The following LEPR variants were observed in gnomAD, a reference collection of about 807,000 sequenced individuals.
LEPR encodes the protein OB receptor.
A neutral mutation model predicts 114.7 loss-of-function variants in LEPR; 56 were observed. That is an observed-to-expected ratio of 0.49 (90% confidence interval 0.39 to 0.61). The LOEUF is 0.61. LEPR is among the 20% of genes least tolerant of loss of function. The probability of loss-of-function intolerance (pLI) is 0.00; values close to 1 mark genes in which losing one functional copy is unlikely to be tolerated. For synonymous variants in LEPR, 443 were observed against 461.4 expected, an observed-to-expected ratio of 0.96 and a Z score of 0.51; for missense variants, 1,202 against 1,352.9, an observed-to-expected ratio of 0.89 and a Z score of 1.75.
chr1:65,614,825 T>A (rs1657426811), intron 14 of LEPR, among the ~76,000 whole-genome samples: 1 of 152,170 alleles, frequency 6.6e-6, no homozygotes, highest in African/African-American at 2.4e-5. Context: ...CATCCAGTAG[T>A]AAGACATGTG....
At chr1:65,545,356 G>A (rs1054511695) in intron 2 of LEPR, among the ~76,000 whole-genome samples, 5 of 152,038 alleles carry the variant, frequency 3.3e-5, no homozygotes, top group African/African-American at 1.2e-4. Context: ...GGTATTTCTA[G>A]TTCTAGATCC....
At chr1:65,437,880 G>C (rs961539423) in intron 2 of LEPR, among the ~76,000 whole-genome samples, 7 of 2,708 alleles carry the variant, frequency 2.6e-3, no homozygotes, top group Admixed American at 5.2e-3. Flanking sequence ...GCAAGATATG[G>C]CTCACTGCAA....
intron 2 of LEPR, among the ~76,000 whole-genome samples, chr1:65,446,087 A>T (rs1383131416): frequency 6.6e-6 from 1 of 152,190 alleles, no homozygotes; most frequent in African/African-American, 2.4e-5. Context: ...TTTTTATCTG[A>T]TATACCAATG....
chr1:65,616,408 A>G (rs1657525830), intron 15 of LEPR, among the ~76,000 whole-genome samples, 184 bp downstream of exon 15: 1 of 152,136 alleles, frequency 6.6e-6, no homozygotes, highest in Admixed American at 6.6e-5. Context: ...CACATAATAC[A>G]GTCCTTGAGC....
chr1:65,613,759 C>CAAAAA (rs754145031), intron 14 of LEPR, among the ~76,000 whole-genome samples: 1 of 32,264 alleles, frequency 3.1e-5, no homozygotes, highest in Non-Finnish European at 5.9e-5. Context: ...GACTCCGTCT[C>CAAAAA]AAAAAAAAAA....
At chr1:65,543,007 T>C (rs1446091575) in intron 2 of LEPR, among the ~76,000 whole-genome samples, 1 of 152,052 alleles carries the variant, frequency 6.6e-6, no homozygotes, top group African/African-American at 2.4e-5. Flanking sequence ...AAATGGTATT[T>C]CTGGTTCTAG....
At chr1:65,522,193 G>A (rs1315025228) in intron 2 of LEPR, among the ~76,000 whole-genome samples, 1 of 152,048 alleles carries the variant, frequency 6.6e-6, no homozygotes, top group East Asian at 1.9e-4. Context: ...CTATTGTAGT[G>A]GATATATGTG....
intron 14 of LEPR, among the ~76,000 whole-genome samples, chr1:65,614,578 ACATGTACT>A (rs1225388784): frequency 3.3e-5 from 5 of 152,198 alleles, no homozygotes; most frequent in Non-Finnish European, 7.3e-5. Flanking sequence ...GTACTGCTCT[ACATGTACT>A]CTGGAAGGGG....
intron 5 of LEPR, among the ~76,000 whole-genome samples, chr1:65,587,327 C>T (rs1439720471): frequency 6.6e-6 from 1 of 151,974 alleles, no homozygotes; most frequent in African/African-American, 2.4e-5. Flanking sequence ...TTGAAAAACA[C>T]CTAAAAGGTC....
intron 2 of LEPR, among the ~76,000 whole-genome samples, chr1:65,441,310 A>G (rs1646645653): frequency 6.6e-6 from 1 of 151,936 alleles, no homozygotes; most frequent in Non-Finnish European, 1.5e-5. Context: ...GGGTGGGGAG[A>G]GTGATGGGGG....
rs1004989410 is a variant in LEPR at position 65,575,496 on chromosome 1, G to A, written c.494+3047G>A. ...AAAAGATCCTTTATTTCATGTGTAT[G>A]TAGTATCATAATTCATCAAAATAAT... On this transcript the variant is annotated intron_variant, in intron 5 of 19. Transcript: ENST00000349533. Among the ~76,000 whole-genome samples, 4 of 151,326 alleles carry A rather than the reference G, an allele frequency of 2.6e-5. 1 individual carries two copies. The highest frequency in any genetic ancestry group is 9.8e-5 in the African/African-American group (4 of 40,728).
At chr1:65,622,460 T>C (rs7516341) in intron 18 of LEPR, among the ~76,000 whole-genome samples, 70,285 of 151,932 alleles carry the variant, frequency 0.46, 17,132 homozygotes, top group East Asian at 0.87. Context: ...AGAAGTCCAG[T>C]GTGGTTATTT....
At chr1:65,429,966 G>T (rs764793845) in intron 2 of LEPR, 2 of 1,579,024 alleles carry the variant, frequency 1.3e-6, no homozygotes, top group East Asian at 4.5e-5. Context: ...AGTAGTGCCT[G>T]TCGGGAACTG....
At chr1:65,540,863 A>T (rs1271250214) in intron 2 of LEPR, among the ~76,000 whole-genome samples, 1 of 151,994 alleles carries the variant, frequency 6.6e-6, no homozygotes, top group Non-Finnish European at 1.5e-5. Context: ...ACAGCATCTC[A>T]CTCTGTCACC....
In LEPR at chr1:65,636,595, T is replaced by C. The variant is rs34130975; in HGVS notation, c.3078T>C (p.Asn1026=). The change falls in exon 20 of 20, where the codon AAT becomes AAC. Residue 1026 remains asparagine (N), a synonymous_variant. Coordinates refer to ENST00000349533, the MANE Select transcript of LEPR (RefSeq NM_002303.6). ...CTCCGTTGAAGGATTCTTTCTCTAA[T>C]AGCTCATGGGAGATAGAGGCCCAGG... ...KNSPLKDSFS[N]SSWEIEAQAF... 658 of 1,614,128 alleles carry C rather than the reference T, an allele frequency of 4.1e-4. 1 individual carries two copies. Among genetic ancestry groups the C allele is most frequent in the Non-Finnish European group, 4.9e-4 (579 of 1,179,994 alleles).
intron 2 of LEPR, among the ~76,000 whole-genome samples, chr1:65,498,254 G>A (rs1557625374): frequency 6.6e-6 from 1 of 152,086 alleles, no homozygotes; most frequent in Non-Finnish European, 1.5e-5. Context: ...TGCTTTAAAT[G>A]GCAATTTTGA....
At chr1:65,530,116 T>G (rs1650281008) in intron 2 of LEPR, among the ~76,000 whole-genome samples, 1 of 152,210 alleles carries the variant, frequency 6.6e-6, no homozygotes, top group Non-Finnish European at 1.5e-5. Flanking sequence ...ATTCTCCACA[T>G]GGAATCTTCA....
At chr1:65,468,705 G>A (rs1367311229) in intron 2 of LEPR, among the ~76,000 whole-genome samples, 6 of 152,200 alleles carry the variant, frequency 3.9e-5, no homozygotes, top group Non-Finnish European at 7.3e-5. Flanking sequence ...TAGCTCTATG[G>A]AACCGTATGA....
intron 2 of LEPR, among the ~76,000 whole-genome samples, chr1:65,496,843 G>C (rs1648185683): frequency 6.6e-6 from 1 of 152,104 alleles, no homozygotes; most frequent in African/African-American, 2.4e-5. Flanking sequence ...ACCAGCAGCA[G>C]CATCCATACA....
Sources: gnomAD v4.1 joint callset for allele counts (sites outside exome capture counted in the v4.1 genomes callset) on GRCh38, gnomAD v4.1.1 for gene constraint, MANE v1.5 for transcripts, NCBI Gene and HGNC (gene_info 2026-07-23, HGNC 2026-07-21) for gene names.